TASP1: variants seen among roughly 807,000 people sequenced by gnomAD.
TASP1 encodes threonine aspartase 1.
TASP1 carries 16 observed loss-of-function variants against 56.6 expected under a neutral mutation model. The observed-to-expected ratio is 0.28, with a 90% confidence interval of 0.19 to 0.43. The LOEUF is 0.43. Among genes scored for constraint, TASP1 ranks in the 20% least tolerant of loss-of-function variants. TASP1 has a pLI of 1.00. For synonymous variants in TASP1, 179 were observed against 184.2 expected, an observed-to-expected ratio of 0.97 and a Z score of 0.23; for missense variants, 393 against 511.6, an observed-to-expected ratio of 0.77 and a Z score of 2.24.
At chr20:13,440,384 G>A (rs1248054286) in intron 11 of TASP1, among the ~76,000 whole-genome samples, 2 of 152,134 alleles carry the variant, frequency 1.3e-5, no homozygotes, top group South Asian at 4.1e-4. Context: ...GATTCCAGAT[G>A]ACACAGCTAT....
intron 10 of TASP1, among the ~76,000 whole-genome samples, chr20:13,500,017 A>G (rs75969846): frequency 0.01 from 1,577 of 151,900 alleles, 28 homozygotes; most frequent in African/African-American, 0.036. Context: ...TTGAAAAATT[A>G]CCTACTGGGT....
rs140020191 is a variant in TASP1 at position 13,463,831 on chromosome 20, T to A, written c.985+19396A>T. Reference sequence around the variant, plus strand: ...CACATACCCATTAGGATGGCTACTATCAAAAAAAGAAAAAACCCAGAAAAT... The same window carrying A: ...CACATACCCATTAGGATGGCTACTAACAAAAAAAGAAAAAACCCAGAAAAT... On this transcript the variant is annotated intron_variant, in intron 11 of 13. Transcript: ENST00000337743. 8.5e-3 allele frequency among the ~76,000 whole-genome samples: 1,284 copies of A among 151,566 alleles called. 29 individuals carry two copies. Among genetic ancestry groups the A allele is most frequent in the African/African-American group, 0.029 (1,208 of 41,302 alleles).
rs965015766 is a variant in TASP1 at position 13,431,442 on chromosome 20, T to C, written c.1096+3602A>G. 1.2e-4 allele frequency among the ~76,000 whole-genome samples: 19 copies of C among 152,318 alleles called. No individual in the cohort carries two copies. The East Asian group carries it at 3.5e-3, about 28-fold the overall frequency. The stretch of plus-strand genomic sequence containing the variant: ...GGTCCAATCTTCTGCTTCTAGGGTA[T>C]GCAGTGAGCACTATTTATACTATAA... On this transcript the variant is annotated intron_variant, in intron 12 of 13. Coordinates refer to ENST00000337743, the MANE Select transcript of TASP1 (RefSeq NM_017714.3).
chr20:13,392,573 C>A, intron 13 of TASP1: 1 of 297,056 alleles, frequency 3.4e-6, no homozygotes, highest in Non-Finnish European at 6.6e-6. Flanking sequence ...TGAAATAGAC[C>A]ATTCTAGGGC....
the TASP1 span, among the ~76,000 whole-genome samples, chr20:13,345,914 G>GT: frequency 8.8e-4 from 107 of 121,594 alleles, no homozygotes; most frequent in South Asian, 8.1e-4. Context: ...CTCTCAGTAG[G>GT]TTAAAAAAAA....
the TASP1 span, among the ~76,000 whole-genome samples, chr20:13,225,197 G>T: frequency 6.6e-6 from 1 of 152,028 alleles, no homozygotes; most frequent in African/African-American, 2.4e-5. Context: ...GGAATTAGGT[G>T]CTATCATTAT....
the TASP1 span, among the ~76,000 whole-genome samples, chr20:13,210,622 T>G: frequency 7.0e-6 from 1 of 143,844 alleles, no homozygotes. Context: ...CACACGTGTG[T>G]GTGTGTGTGT....
intron 10 of TASP1, among the ~76,000 whole-genome samples, chr20:13,496,134 A>C (rs964399230): frequency 4.9e-4 from 74 of 151,920 alleles, no homozygotes; most frequent in Non-Finnish European, 8.7e-4. Flanking sequence ...GCTCACTGCA[A>C]CCTCTGCTTC....
chr20:13,226,430 A>G, the TASP1 span, among the ~76,000 whole-genome samples: 1,874 of 151,808 alleles, frequency 0.012, 28 homozygotes, highest in African/African-American at 0.043. Context: ...TTTTTTAATG[A>G]TTGACAATTG....
chr20:13,412,363 G>A (rs2042120613), intron 13 of TASP1, among the ~76,000 whole-genome samples: 1 of 152,106 alleles, frequency 6.6e-6, no homozygotes, highest in Non-Finnish European at 1.5e-5. Context: ...CCTAGGAAGG[G>A]CTTGTCTCTT....
chr20:13,541,853 A>G (rs183443137), intron 8 of TASP1, among the ~76,000 whole-genome samples: 231 of 152,062 alleles, frequency 1.5e-3, no homozygotes, highest in Non-Finnish European at 1.0e-3. Context: ...CATATAAATT[A>G]AAACACACAG....
At chr20:13,116,634 G>A in the TASP1 span, among the ~76,000 whole-genome samples, 1 of 152,122 alleles carries the variant, frequency 6.6e-6, no homozygotes, top group African/African-American at 2.4e-5. Context: ...GTTCTATCGT[G>A]TATCTGTCCC....
At chr20:13,562,915 ATG>A (rs199844282) in intron 7 of TASP1, among the ~76,000 whole-genome samples, 46,616 of 127,760 alleles carry the variant, frequency 0.36, 8,780 homozygotes, top group South Asian at 0.47. Context: ...ACATATATAT[ATG>A]TGTGTGTGTG....
chr20:13,479,273 T>A (rs73078091), intron 11 of TASP1, among the ~76,000 whole-genome samples: 2,637 of 152,172 alleles, frequency 0.017, 31 homozygotes, highest in Non-Finnish European at 0.027. Flanking sequence ...AATATTTTTT[T>A]AAAAAGAAAA....
At chr20:13,288,823 C>T in the TASP1 span, 1,203 of 869,568 alleles carry the variant, frequency 1.4e-3, 2 homozygotes, top group Non-Finnish European at 1.8e-3. Context: ...CTCTCCCTGT[C>T]GCCCAGGCTG....
At chr20:13,579,712 A>C (rs1262781911) in intron 6 of TASP1, among the ~76,000 whole-genome samples, 1 of 152,150 alleles carries the variant, frequency 6.6e-6, no homozygotes, top group Admixed American at 6.5e-5. Context: ...ATTAGAAAGG[A>C]TCTCAATAAA....
At chr20:13,264,789 G>A in the TASP1 span, among the ~76,000 whole-genome samples, 2 of 152,190 alleles carry the variant, frequency 1.3e-5, no homozygotes, top group Non-Finnish European at 2.9e-5. Context: ...TTTGTCATCT[G>A]AGAAAAACTG....
chr20:13,453,153 C>T (rs1568821393), intron 11 of TASP1, among the ~76,000 whole-genome samples: 1 of 151,884 alleles, frequency 6.6e-6, no homozygotes, highest in Non-Finnish European at 1.5e-5. Context: ...GGAGGAGAAA[C>T]AACATGAAAA....
the TASP1 span, among the ~76,000 whole-genome samples, chr20:13,268,194 C>T: frequency 3.3e-5 from 5 of 151,370 alleles, no homozygotes; most frequent in South Asian, 2.1e-4. Flanking sequence ...CTCTTCACTT[C>T]GCTTCTCTTC....
Sources: gnomAD v4.1 joint callset for allele counts (sites outside exome capture counted in the v4.1 genomes callset) on GRCh38, gnomAD v4.1.1 for gene constraint, MANE v1.5 for transcripts, NCBI Gene and HGNC (gene_info 2026-07-23, HGNC 2026-07-21) for gene names.